Variants in PDE10A observed in about 807,000 individuals in gnomAD.
PDE10A encodes cAMP and cAMP-inhibited cGMP 3',5'-cyclic phosphodiesterase 10A.
A neutral mutation model predicts 97.7 loss-of-function variants in PDE10A; 39 were observed. The observed-to-expected ratio is 0.40, with a 90% CI of 0.31 to 0.52. PDE10A has a LOEUF of 0.52. Among genes scored for constraint, PDE10A ranks in the 20% least tolerant of loss-of-function variants. The pLI is 0.56. For missense variants in PDE10A, 731 were observed against 1,047.8 expected, an observed-to-expected ratio of 0.70 and a Z score of 4.17; for synonymous variants, 371 against 376.8, an observed-to-expected ratio of 0.98 and a Z score of 0.18.
At chr6:165,936,594 C>G (rs1216588238) in intron 1 of PDE10A, among the ~76,000 whole-genome samples, 1 of 152,066 alleles carries the variant, frequency 6.6e-6, no homozygotes, top group East Asian at 1.9e-4. Context: ...AGCTGCCAGG[C>G]AGGGTGGTGG....
chr6:165,335,514 T>C (rs567139664), intron 21 of PDE10A, among the ~76,000 whole-genome samples: 1 of 152,288 alleles, frequency 6.6e-6, no homozygotes, highest in Admixed American at 6.5e-5. Context: ...AGGGACATAC[T>C]GTGGCTGTAC....
At chr6:165,567,993 C>CTTTT (rs370865492) in intron 1 of PDE10A, among the ~76,000 whole-genome samples, 1 of 115,600 alleles carries the variant, frequency 8.7e-6, no homozygotes, top group Non-Finnish European at 1.7e-5. Context: ...CGCAACAAGG[C>CTTTT]ATTTTTTTTT....
At chr6:165,555,655 A>G (rs1020747360) in intron 1 of PDE10A, among the ~76,000 whole-genome samples, 2 of 152,232 alleles carry the variant, frequency 1.3e-5, no homozygotes, top group African/African-American at 4.8e-5. Context: ...AGAATAATTA[A>G]TGGTTTAGAT....
At chr6:165,547,173 T>C (rs1346377746) in intron 1 of PDE10A, among the ~76,000 whole-genome samples, 1 of 152,176 alleles carries the variant, frequency 6.6e-6, no homozygotes, top group Admixed American at 6.5e-5. Context: ...AAATATATCA[T>C]TCCTGCTAAT....
At chr6:165,460,190 G>A (rs1258469983) in intron 3 of PDE10A, among the ~76,000 whole-genome samples, 1 of 152,190 alleles carries the variant, frequency 6.6e-6, no homozygotes, top group Non-Finnish European at 1.5e-5. Flanking sequence ...CCCACAAAAG[G>A]TCCCAACAGG....
In PDE10A at chr6:165,680,333, T is replaced by G. The variant is rs1790941162; in HGVS notation, c.-614-136765A>C. ...CCACAAAAGCAAGAAGGATCACCAT[T>G]CAGCTGTAGCAACCTCCACGGAGGA... is the stretch of plus-strand genomic sequence containing the variant. On this transcript the variant is annotated intron_variant, in intron 1 of 19. Coordinates refer to the PDE10A transcript ENST00000366882. Among the ~76,000 whole-genome samples the G allele has an allele frequency of 2.0e-5, 3 of 152,208 alleles. No individual in the cohort carries two copies. In the South Asian group the frequency reaches 6.2e-4, roughly 32 times the overall value.
chr6:165,342,735 G>A (rs774471440), intron 19 of PDE10A, among the ~76,000 whole-genome samples: 16 of 152,278 alleles, frequency 1.1e-4, no homozygotes, highest in Admixed American at 7.8e-4. Context: ...AAAGGCCTAG[G>A]TATCCGTGAC....
intron 1 of PDE10A, among the ~76,000 whole-genome samples, chr6:165,832,618 C>T (rs1213775977): frequency 1.3e-5 from 2 of 152,204 alleles, no homozygotes; most frequent in African/African-American, 2.4e-5. Context: ...AAACAACCCG[C>T]AGTATCAGCG....
At chr6:165,505,615 G>C (rs1781147774) in intron 2 of PDE10A, among the ~76,000 whole-genome samples, 1 of 152,098 alleles carries the variant, frequency 6.6e-6, no homozygotes, top group Non-Finnish European at 1.5e-5. Context: ...ATCGGTTGGT[G>C]GTCTCCAACA....
chr6:165,387,406 A>C (rs1159895595), intron 17 of PDE10A, among the ~76,000 whole-genome samples: 1 of 152,196 alleles, frequency 6.6e-6, no homozygotes, highest in Non-Finnish European at 1.5e-5. Flanking sequence ...AGGAGGCACT[A>C]AGAGAAGCCT....
intron 1 of PDE10A, among the ~76,000 whole-genome samples, chr6:165,777,100 C>G (rs1323085555): frequency 7.2e-5 from 11 of 152,196 alleles, no homozygotes; most frequent in Non-Finnish European, 1.0e-4. Context: ...ACCTGGCACT[C>G]CATGCTTGTC....
intron 1 of PDE10A, among the ~76,000 whole-genome samples, chr6:165,953,063 T>C (rs1219765005): frequency 6.6e-6 from 1 of 152,092 alleles, no homozygotes; most frequent in African/African-American, 2.4e-5. Flanking sequence ...TGAGCTCCCT[T>C]TTTGTGTCTA....
At chr6:165,796,389 A>G (rs1316440035) in intron 1 of PDE10A, among the ~76,000 whole-genome samples, 5 of 152,116 alleles carry the variant, frequency 3.3e-5, no homozygotes, top group Non-Finnish European at 7.4e-5. Context: ...CCTGGCCTGC[A>G]CATCTTTTCT....
At chr6:165,637,740 C>G (rs866002288) in intron 1 of PDE10A, among the ~76,000 whole-genome samples, 4 of 152,142 alleles carry the variant, frequency 2.6e-5, no homozygotes, top group Non-Finnish European at 5.9e-5. Context: ...CAAGTTTCCC[C>G]GGCACAGGCG....
In PDE10A at chr6:165,527,875, G is replaced by T. The variant is rs1021036437; in HGVS notation, c.994+15565C>A. On this transcript the variant is annotated intron_variant, in intron 2 of 21. Coordinates refer to ENST00000539869, the MANE Select transcript of PDE10A (RefSeq NM_001385079.1). ...CCTATGATCAGTTGACAGAAGAAGA[G>T]AAGGCTAGGACCTGGTTCACAGATG... 7.2e-5 allele frequency among the ~76,000 whole-genome samples: 11 copies of T among 152,202 alleles called. 1 individual carries two copies. The highest frequency in any genetic ancestry group is 2.7e-4 in the African/African-American group (11 of 41,452).
At chr6:165,668,723 A>G (rs952589321) in intron 1 of PDE10A, among the ~76,000 whole-genome samples, 8 of 149,792 alleles carry the variant, frequency 5.3e-5, no homozygotes, top group Non-Finnish European at 1.2e-4. Context: ...AAAGAAAGAG[A>G]GAGAGAAAGA....
At chr6:165,771,492 G>A (rs1224090220) in intron 1 of PDE10A, among the ~76,000 whole-genome samples, 1 of 152,086 alleles carries the variant, frequency 6.6e-6, no homozygotes, top group East Asian at 1.9e-4. Flanking sequence ...GACCCAAAGA[G>A]AAGACACCTG....
At chr6:165,386,728 C>T (rs923076849) in intron 17 of PDE10A, among the ~76,000 whole-genome samples, 52 of 151,882 alleles carry the variant, frequency 3.4e-4, no homozygotes, top group South Asian at 2.5e-3. Flanking sequence ...TGCAGCCAGG[C>T]GCGGTGGCTC....
At chr6:165,654,501 G>T (rs75945907) in intron 1 of PDE10A, among the ~76,000 whole-genome samples, 6,261 of 145,356 alleles carry the variant, frequency 0.043, 287 homozygotes, top group East Asian at 0.19. Context: ...TCCTTCCAAG[G>T]TTCCCTCTCT....
Sources: gnomAD v4.1 joint callset for allele counts (sites outside exome capture counted in the v4.1 genomes callset) on GRCh38, gnomAD v4.1.1 for gene constraint, MANE v1.5 for transcripts, NCBI Gene and HGNC (gene_info 2026-07-23, HGNC 2026-07-21) for gene names.